The following CAMK1D variants were observed in gnomAD, a reference collection of about 807,000 sequenced individuals.
The protein encoded by CAMK1D is calcium/calmodulin-dependent protein kinase type 1D.
A neutral mutation model predicts 47.7 loss-of-function variants in CAMK1D; 9 were observed. The observed-to-expected ratio is 0.19, with a 90% CI of 0.11 to 0.33. The LOEUF is 0.33. CAMK1D is among the 10% of genes least tolerant of loss of function. The probability of loss-of-function intolerance (pLI) is 1.00; values close to 1 mark genes in which losing one functional copy is unlikely to be tolerated. For missense variants in CAMK1D, 291 were observed against 488.7 expected (o/e 0.60, Z 3.81); for synonymous variants, 184 against 184.9 (o/e 0.99, Z 0.04).
chr10:12,694,152 A>ATT (rs1216302894), intron 3 of CAMK1D, among the ~76,000 whole-genome samples: 2 of 51,106 alleles, frequency 3.9e-5, no homozygotes, highest in African/African-American at 9.6e-5. Flanking sequence ...TATAATATAT[A>ATT]ATATATATTA....
intron 3 of CAMK1D, among the ~76,000 whole-genome samples, chr10:12,746,228 G>C (rs1030006920): frequency 3.3e-5 from 5 of 149,452 alleles, no homozygotes; most frequent in African/African-American, 1.3e-4. Context: ...GCTGGGCGTG[G>C]TGACAGGTGC....
At chr10:12,567,363 A>G (rs1157815290) in intron 2 of CAMK1D, among the ~76,000 whole-genome samples, 2 of 152,166 alleles carry the variant, frequency 1.3e-5, no homozygotes, top group Admixed American at 1.3e-4. Context: ...ATGATGGACA[A>G]CAGAGCGAGT....
At chr10:12,612,487 T>TGAAC (rs1838661046) in intron 2 of CAMK1D, among the ~76,000 whole-genome samples, 1 of 152,022 alleles carries the variant, frequency 6.6e-6, no homozygotes, top group Non-Finnish European at 1.5e-5. Flanking sequence ...GATTAAGGCA[T>TGAAC]GAACCACCAT....
At chr10:12,819,105 C>T (rs1832916856) in intron 8 of CAMK1D, among the ~76,000 whole-genome samples, 1 of 152,176 alleles carries the variant, frequency 6.6e-6, no homozygotes, top group Non-Finnish European at 1.5e-5. Context: ...GGCCAGTTAA[C>T]ACCTGCTCTC....
intron 6 of CAMK1D, among the ~76,000 whole-genome samples, chr10:12,809,421 A>G (rs1017134463): frequency 5.9e-5 from 9 of 152,232 alleles, no homozygotes; most frequent in Non-Finnish European, 1.3e-4. Flanking sequence ...AAATCAAGAT[A>G]TTGAAGAGAG....
rs56027797 is a variant in CAMK1D at position 12,620,186 on chromosome 10, C to CAAAAAAAAAAAAAAAAAAAAAA, written c.225-46539_225-46518dup. Among the ~76,000 whole-genome samples the CAAAAAAAAAAAAAAAAAAAAAA allele has an allele frequency of 6.9e-4, 60 of 86,586 alleles. 2 individuals carry two copies. Among genetic ancestry groups the CAAAAAAAAAAAAAAAAAAAAAA allele is most frequent in the South Asian group, 1.3e-3 (3 of 2,274 alleles). 56.8% of individuals were successfully genotyped at this position (86,586 alleles called of 152,430 possible). ...TGGGCGACAGAGCGAGACTCCGTCT[C>CAAAAAAAAAAAAAAAAAAAAAA]AAAAAAAAAAAAAAAAAAAAAAAAA... On this transcript the variant is annotated intron_variant, in intron 2 of 10. Transcript: ENST00000619168.
intron 2 of CAMK1D, among the ~76,000 whole-genome samples, chr10:12,553,653 A>G (rs780125525): frequency 1.1e-4 from 17 of 152,206 alleles, no homozygotes; most frequent in Non-Finnish European, 1.9e-4. Context: ...GGCCGGCTAC[A>G]GAGCCCTGAG....
intron 10 of CAMK1D, 58 bp downstream of exon 10, chr10:12,825,748 G>A: frequency 6.2e-7 from 1 of 1,611,722 alleles, no homozygotes; most frequent in South Asian, 1.1e-5. Context: ...GCCTGGGGTG[G>A]AGAGGAGGGA....
chr10:12,711,490 GTTTTACA>G (rs1357506728), intron 3 of CAMK1D, among the ~76,000 whole-genome samples: 1 of 152,190 alleles, frequency 6.6e-6, no homozygotes, highest in Non-Finnish European at 1.5e-5. Flanking sequence ...GTTTCAGAAT[GTTTTACA>G]TTTTATGTTC....
At chr10:12,697,625 C>T (rs1786466561) in intron 3 of CAMK1D, among the ~76,000 whole-genome samples, 1 of 152,218 alleles carries the variant, frequency 6.6e-6, no homozygotes, top group Admixed American at 6.5e-5. Flanking sequence ...TCTCAAACTT[C>T]TGACCTCAGG....
intron 3 of CAMK1D, among the ~76,000 whole-genome samples, chr10:12,683,031 C>T (rs948931958): frequency 2.0e-5 from 3 of 151,830 alleles, no homozygotes; most frequent in African/African-American, 7.3e-5. Flanking sequence ...AGGCGATTCT[C>T]CTGCCTCAGC....
intron 2 of CAMK1D, among the ~76,000 whole-genome samples, chr10:12,554,542 T>C (rs1836699182): frequency 1.4e-5 from 1 of 72,936 alleles, no homozygotes; most frequent in African/African-American, 3.5e-5. Context: ...AACCATTCAT[T>C]TTTTCTTTTT....
chr10:12,400,096 G>A (rs549977729), intron 1 of CAMK1D, among the ~76,000 whole-genome samples: 1 of 152,290 alleles, frequency 6.6e-6, no homozygotes, highest in East Asian at 1.9e-4. Flanking sequence ...GTGACGCGAT[G>A]GGATGTCATT....
intron 1 of CAMK1D, among the ~76,000 whole-genome samples, chr10:12,391,630 A>G (rs1043416385): frequency 6.6e-6 from 1 of 152,224 alleles, no homozygotes. Flanking sequence ...TTTCTTAAAG[A>G]AAAACAAAAC....
chr10:12,417,558 C>T (rs1839896590), intron 1 of CAMK1D, among the ~76,000 whole-genome samples: 1 of 152,180 alleles, frequency 6.6e-6, no homozygotes, highest in African/African-American at 2.4e-5. Flanking sequence ...GGGGAGATGG[C>T]TTGGCCCTGG....
At chr10:12,720,298 G>A (rs972540970) in intron 3 of CAMK1D, among the ~76,000 whole-genome samples, 1 of 152,196 alleles carries the variant, frequency 6.6e-6, no homozygotes, top group Non-Finnish European at 1.5e-5. Context: ...CACTCTTGGG[G>A]TATCAGTGAG....
chr10:12,752,861 C>G (rs1337541146), intron 3 of CAMK1D, among the ~76,000 whole-genome samples: 1 of 152,224 alleles, frequency 6.6e-6, no homozygotes, highest in African/African-American at 2.4e-5. Context: ...AAGTCATATT[C>G]TGAGGCCTTT....
chr10:12,490,452 G>A (rs537785353), intron 1 of CAMK1D, among the ~76,000 whole-genome samples: 2 of 152,216 alleles, frequency 1.3e-5, no homozygotes, highest in East Asian at 1.9e-4. Context: ...GACAGAGGGC[G>A]GACAGAGGAA....
intron 1 of CAMK1D, among the ~76,000 whole-genome samples, chr10:12,359,989 A>C (rs1837613604): frequency 6.6e-6 from 1 of 152,168 alleles, no homozygotes; most frequent in Non-Finnish European, 1.5e-5. Context: ...TGGGGAGCTA[A>C]TTTCCAAATC....
Sources: gnomAD v4.1 joint callset for allele counts (sites outside exome capture counted in the v4.1 genomes callset) on GRCh38, gnomAD v4.1.1 for gene constraint, MANE v1.5 for transcripts, NCBI Gene and HGNC (gene_info 2026-07-23, HGNC 2026-07-21) for gene names.